Variants in BLM observed in about 807,000 individuals in gnomAD.
BLM encodes recQ-like DNA helicase BLM.
A neutral mutation model predicts 135.3 loss-of-function variants in BLM; 95 were observed. The observed-to-expected ratio is 0.70, with a 90% CI of 0.59 to 0.83. BLM has a LOEUF of 0.83. BLM is among the 40% of genes least tolerant of loss of function. BLM has a pLI of 0.00. For missense variants in BLM, 1,518 were observed against 1,663.9 expected (o/e 0.91, Z 1.53); for synonymous variants, 520 against 589.2 (o/e 0.88, Z 1.70).
intron 1 of BLM, among the ~76,000 whole-genome samples, chr15:90,723,533 G>C (rs1894825711): frequency 6.6e-6 from 1 of 151,876 alleles, no homozygotes. Flanking sequence ...TGCACCTGTA[G>C]TTCCAGATTC....
intron 12 of BLM, among the ~76,000 whole-genome samples, chr15:90,773,267 A>G (rs556006703): frequency 6.6e-6 from 1 of 152,022 alleles, no homozygotes; most frequent in Admixed American, 6.6e-5. Flanking sequence ...TAAAAATATA[A>G]AAATTAACCA....
rs1347668182 is a variant in BLM, at chr15:90,742,431, C to G, written c.-4-4958C>G. On this transcript the variant is annotated intron_variant, in intron 1 of 21. Coordinates refer to ENST00000355112, the MANE Select transcript of BLM (RefSeq NM_000057.4). ...TGGAGTAGTCTTTTTGGCAGTCTAT[C>G]CCTTGATAGACTGAAATAGCCATCT... 3.3e-5 allele frequency among the ~76,000 whole-genome samples: 5 copies of G among 152,176 alleles called. No homozygotes were observed. In the East Asian group the frequency reaches 9.7e-4, roughly 29 times the overall value.
chr15:90,759,883 A>T (rs1159398611), intron 5 of BLM: 18 of 361,732 alleles, frequency 5.0e-5, no homozygotes, highest in South Asian at 3.8e-4. Flanking sequence ...TTGGGATTAC[A>T]GGCGTGAGCC....
At chr15:90,793,013 CAAA>C (rs1394374667) in intron 15 of BLM, among the ~76,000 whole-genome samples, 1 of 86,602 alleles carries the variant, frequency 1.2e-5, no homozygotes. Flanking sequence ...AGGCCGAGGC[CAAA>C]AAAAAAAAAA....
At chr15:90,734,929 A>C (rs1417327850) in intron 1 of BLM, among the ~76,000 whole-genome samples, 1 of 152,088 alleles carries the variant, frequency 6.6e-6, no homozygotes, top group Non-Finnish European at 1.5e-5. Context: ...CCCTACTTGC[A>C]GGTGATATGG....
rs1004972824 is a variant in BLM at position 90,759,917 on chromosome 15, A to G, written c.1088-230A>G. ...CCACCGTGCCCAGCCCCACTTTAAA[A>G]AAAAAAAAAAAAAAGAAAAAGAAAT... On this transcript the variant is annotated intron_variant, in intron 5 of 21. Coordinates refer to ENST00000355112, the MANE Select transcript of BLM (RefSeq NM_000057.4). 27 of 320,246 alleles carry G rather than the reference A, an allele frequency of 8.4e-5. No individual in the cohort carries two copies. The East Asian group carries it at 1.9e-3, about 22-fold the overall frequency. 19.8% of individuals were successfully genotyped at this position (320,246 alleles called of 1,614,324 possible).
intron 12 of BLM, among the ~76,000 whole-genome samples, chr15:90,778,711 C>A (rs1222704405): frequency 6.6e-6 from 1 of 152,290 alleles, no homozygotes; most frequent in East Asian, 1.9e-4. Flanking sequence ...ACGTCTACGA[C>A]ATTTTATTCA....
At chr15:90,740,812 C>T (rs1346567705) in intron 1 of BLM, among the ~76,000 whole-genome samples, 1 of 152,202 alleles carries the variant, frequency 6.6e-6, no homozygotes, top group East Asian at 1.9e-4. Flanking sequence ...CCTGCACACA[C>T]TTTCTTGCCT....
At chr15:90,758,081 C>T (rs1323279422) in intron 5 of BLM, among the ~76,000 whole-genome samples, 5 of 151,872 alleles carry the variant, frequency 3.3e-5, no homozygotes, top group South Asian at 2.1e-4. Context: ...GGTTTCGCCA[C>T]GTTGACCAGG....
intron 1 of BLM, among the ~76,000 whole-genome samples, chr15:90,739,693 G>GT (rs1413304614): frequency 1.3e-5 from 2 of 152,044 alleles, no homozygotes; most frequent in African/African-American, 4.8e-5. Flanking sequence ...ACAAACTATT[G>GT]TTTTTTTGAT....
intron 12 of BLM, among the ~76,000 whole-genome samples, chr15:90,774,433 A>G (rs954160613): frequency 7.9e-5 from 12 of 152,016 alleles, no homozygotes; most frequent in East Asian, 1.9e-4. Context: ...CCACATGCTT[A>G]TCAACACTTG....
intron 1 of BLM, among the ~76,000 whole-genome samples, chr15:90,743,526 T>C (rs1302277165): frequency 6.6e-6 from 1 of 151,972 alleles, no homozygotes; most frequent in East Asian, 1.9e-4. Context: ...TTTGTTATTG[T>C]GGATGAACAA....
intron 8 of BLM, among the ~76,000 whole-genome samples, chr15:90,763,896 CT>C (rs1411268118): frequency 4.6e-5 from 7 of 152,194 alleles, no homozygotes; most frequent in Admixed American, 3.9e-4. Context: ...AGTCCTCCCT[CT>C]GTCTATCACC....
chr15:90,725,075 A>C (rs1308631212), intron 1 of BLM, among the ~76,000 whole-genome samples: 1 of 152,002 alleles, frequency 6.6e-6, no homozygotes, highest in Non-Finnish European at 1.5e-5. Context: ...TGCCTGGCTA[A>C]TTTTTGTATT....
intron 12 of BLM, among the ~76,000 whole-genome samples, chr15:90,770,416 T>C (rs1896280144): frequency 6.6e-6 from 1 of 152,172 alleles, no homozygotes; most frequent in South Asian, 2.1e-4. Flanking sequence ...GACCTCGTGA[T>C]CCGCCCGCCT....
intron 17 of BLM, 149 bp from the exon 18 acceptor site, chr15:90,803,372 C>A: frequency 1.5e-6 from 1 of 649,848 alleles, no homozygotes; most frequent in South Asian, 2.0e-5. Flanking sequence ...CTCAAATACT[C>A]TCATTTAACA....
intron 1 of BLM, among the ~76,000 whole-genome samples, chr15:90,745,843 AGGT>A (rs1169221261): frequency 6.6e-6 from 1 of 152,180 alleles, no homozygotes; most frequent in Non-Finnish European, 1.5e-5. Flanking sequence ...TGGCAGGCTG[AGGT>A]GGGAGAATGA....
chr15:90,779,297 T>A (rs1431693578), intron 12 of BLM, among the ~76,000 whole-genome samples: 1 of 147,082 alleles, frequency 6.8e-6, no homozygotes, highest in Non-Finnish European at 1.5e-5. Context: ...TCACCAACAC[T>A]TGTTTTTGTC....
intron 16 of BLM, among the ~76,000 whole-genome samples, chr15:90,797,984 C>T (rs899883331): frequency 2.6e-5 from 4 of 152,002 alleles, no homozygotes; most frequent in African/African-American, 7.3e-5. Flanking sequence ...AAAGACAAGA[C>T]GTATCTCTGT....
Sources: gnomAD v4.1 joint callset for allele counts (sites outside exome capture counted in the v4.1 genomes callset) on GRCh38, gnomAD v4.1.1 for gene constraint, MANE v1.5 for transcripts, NCBI Gene and HGNC (gene_info 2026-07-23, HGNC 2026-07-21) for gene names.